HYDIN: variants seen among roughly 807,000 people sequenced by gnomAD.
The protein encoded by HYDIN is HYDIN axonemal central pair apparatus protein, also known as axonemal central pair apparatus protein HYDIN.
Under a neutral mutation model 403.9 loss-of-function variants are expected in HYDIN, and 132 were observed. That is an observed-to-expected ratio of 0.33 (90% CI 0.28 to 0.38). HYDIN has a LOEUF of 0.38. Among genes scored for constraint, HYDIN ranks in the 10% least tolerant of loss-of-function variants. HYDIN has a pLI of 1.00. For missense variants in HYDIN, 2,827 were observed against 5,009.5 expected (o/e 0.56, Z 13.15); for synonymous variants, 1,202 against 1,891.7 (o/e 0.64, Z 9.46).
At chr16:71,039,821 C>T (rs573606095) in intron 18 of HYDIN, among the ~76,000 whole-genome samples, 5 of 152,306 alleles carry the variant, frequency 3.3e-5, no homozygotes, top group East Asian at 3.9e-4. Flanking sequence ...GACCAGAGCT[C>T]GGGATCCCTG....
intron 5 of HYDIN, among the ~76,000 whole-genome samples, chr16:71,165,012 C>G (rs915143756): frequency 2.0e-5 from 3 of 152,096 alleles, no homozygotes; most frequent in Admixed American, 6.5e-5. Context: ...ACCACCTCCA[C>G]CCCCGCCACC....
At chr16:71,133,322 A>T (rs1208201230) in intron 8 of HYDIN, 2 of 455,882 alleles carry the variant, frequency 4.4e-6, no homozygotes, top group Non-Finnish European at 8.8e-6. Context: ...CTAAACAGTT[A>T]GCAACTCTGT....
intron 1 of HYDIN, chr16:71,203,876 G>A: frequency 2.2e-6 from 1 of 450,968 alleles, no homozygotes; most frequent in Non-Finnish European, 4.4e-6. Flanking sequence ...ACCAGCCTGT[G>A]AAATATGGTG....
At chr16:71,042,304 C>G (rs1370328648) in intron 18 of HYDIN, among the ~76,000 whole-genome samples, 1 of 152,204 alleles carries the variant, frequency 6.6e-6, no homozygotes, top group African/African-American at 2.4e-5. Flanking sequence ...TCAACACAGT[C>G]CACCACTGTC....
intron 1 of HYDIN, 22 bp from the exon 2 acceptor site, chr16:71,186,940 C>G: frequency 6.5e-7 from 1 of 1,538,144 alleles, no homozygotes; most frequent in Non-Finnish European, 8.9e-7. Flanking sequence ...ACAAAAATGT[C>G]TTAGAACAAA....
At chr16:70,993,360 T>C (rs2144049881) in intron 23 of HYDIN, among the ~76,000 whole-genome samples, 1 of 151,946 alleles carries the variant, frequency 6.6e-6, no homozygotes, top group African/African-American at 2.4e-5. Context: ...TCCTAAAAAG[T>C]TGCTTTGTGC....
chr16:71,090,141 A>C (rs376897944), intron 11 of HYDIN: 33 of 114,808 alleles, frequency 2.9e-4, no homozygotes, highest in African/African-American at 1.1e-3. Flanking sequence ...TTGCTATTTT[A>C]TTCATCTTTT....
At position 70,908,731 on chromosome 16, in the gene HYDIN, G is replaced by T; in HGVS notation, c.8135C>A (p.Pro2712His). The T allele has an allele frequency of 6.2e-7, 1 of 1,613,980 alleles. No homozygotes were observed. Among genetic ancestry groups the T allele is most frequent in the South Asian group, 1.1e-5 (1 of 91,042 alleles). ...ALNRKVLSGE[P>H]AGTISQLSDT... Reference sequence around the variant, plus strand: ...TGACAGCTGGGAAATGGTTCCAGCAGGTTCCCCAGAAAGGACCTTCCTGTT... The same window carrying T: ...TGACAGCTGGGAAATGGTTCCAGCATGTTCCCCAGAAAGGACCTTCCTGTT... The change falls in exon 48 of 86, where the codon CCT becomes CAT. Residue 2712 changes from proline (P) to histidine (H), a missense_variant. By Grantham distance (77) the Pro-to-His change is moderately conservative. Transcript: ENST00000393567.
intron 41 of HYDIN, among the ~76,000 whole-genome samples, chr16:70,945,661 G>A (rs56888858): frequency 0.025 from 3,746 of 152,050 alleles, no homozygotes; most frequent in African/African-American, 0.084. Flanking sequence ...GTAGAGGAAG[G>A]AGTTGCTAAT....
intron 45 of HYDIN, among the ~76,000 whole-genome samples, chr16:70,926,558 A>C (rs1179533107): frequency 6.6e-6 from 1 of 151,990 alleles, no homozygotes; most frequent in Non-Finnish European, 1.5e-5. Context: ...ACAGGTATAC[A>C]TATGTAACTA....
chr16:70,819,443 C>T (rs1005279898), intron 83 of HYDIN, among the ~76,000 whole-genome samples: 5 of 150,032 alleles, frequency 3.3e-5, no homozygotes, highest in African/African-American at 7.4e-5. Flanking sequence ...ACTGAGGCTT[C>T]GCAAACTCAA....
rs2041114221 is a variant in HYDIN at position 71,227,973 on chromosome 16, A to T, written c.-24+2589T>A. Among the ~76,000 whole-genome samples, 2 of 152,124 alleles carry T rather than the reference A, an allele frequency of 1.3e-5. 1 individual carries two copies. Among genetic ancestry groups the T allele is most frequent in the South Asian group, 4.1e-4 (2 of 4,828 alleles). On this transcript the variant is annotated intron_variant, in intron 1 of 85. Transcript: ENST00000393567. ...GGTACCAAAACAGAGATATAGACCAATGGAACAGAACGGAGCCCTCAGAAA... is the reference window on the plus strand; with the variant it reads ...GGTACCAAAACAGAGATATAGACCATTGGAACAGAACGGAGCCCTCAGAAA...
chr16:70,976,624 C>T (rs1217376074), intron 30 of HYDIN, among the ~76,000 whole-genome samples: 17 of 150,700 alleles, frequency 1.1e-4, no homozygotes, highest in Non-Finnish European at 1.8e-4. Context: ...TTATACGAGA[C>T]GTTACTGCTG....
rs2034940833 is a variant in HYDIN, at chr16:70,802,788, G to A, written c.*4792C>T. ...ACTCGGCAAGTCATGGATATATCATGTCTAGAAAAATCCATAAAAAATGTA... is the reference window on the plus strand; with the variant it reads ...ACTCGGCAAGTCATGGATATATCATATCTAGAAAAATCCATAAAAAATGTA... On this transcript the variant is annotated 3_prime_UTR_variant, in exon 86 of 86. Transcript: ENST00000393567. The A allele has an allele frequency of 6.6e-6, 1 of 152,194 alleles. No homozygotes were observed. The highest frequency in any genetic ancestry group is 1.5e-5 in the Non-Finnish European group (1 of 68,032). 9.4% of individuals were successfully genotyped at this position (152,194 alleles called of 1,614,324 possible). A position where few individuals can be genotyped will look rare whatever the true frequency, so the allele number is the denominator to read the frequency against.
chr16:71,051,658 A>C (rs1265588758), intron 18 of HYDIN, among the ~76,000 whole-genome samples: 8 of 113,312 alleles, frequency 7.1e-5, no homozygotes, highest in African/African-American at 9.8e-5. Context: ...AAAAAAAAAA[A>C]ACAAAAAAAA....
intron 18 of HYDIN, among the ~76,000 whole-genome samples, chr16:71,043,942 A>AAGAGAGAGAG (rs77323675): frequency 6.7e-6 from 1 of 149,266 alleles, no homozygotes; most frequent in Middle Eastern, 3.2e-3. Flanking sequence ...GAAAGAAAGA[A>AAGAGAGAGAG]AGAGAGAGAG....
intron 3 of HYDIN, among the ~76,000 whole-genome samples, chr16:71,180,541 A>G (rs887390417): frequency 2.0e-5 from 3 of 152,142 alleles, no homozygotes; most frequent in African/African-American, 7.2e-5. Flanking sequence ...CCTCCTTTAT[A>G]TATCTGAGAA....
intron 39 of HYDIN, among the ~76,000 whole-genome samples, chr16:70,955,882 G>C (rs2078219635): frequency 6.6e-6 from 1 of 152,110 alleles, no homozygotes; most frequent in Non-Finnish European, 1.5e-5. Flanking sequence ...GCAGTGGCGA[G>C]ATCTCAGCTC....
chr16:71,191,649 A>G (rs374579769), intron 1 of HYDIN, among the ~76,000 whole-genome samples: 3 of 152,080 alleles, frequency 2.0e-5, no homozygotes, highest in East Asian at 1.9e-4. Context: ...TGGGCCCCTT[A>G]GACCACCTCA....
Sources: allele counts gnomAD v4.1 joint callset (sites outside exome capture counted in the v4.1 genomes callset), GRCh38; gene constraint gnomAD v4.1.1; transcripts MANE v1.5; gene names NCBI Gene and HGNC (gene_info 2026-07-23, HGNC 2026-07-21).